The following CHRNA9 variants were observed in gnomAD, a reference collection of about 807,000 sequenced individuals.
The protein encoded by CHRNA9 is cholinergic receptor nicotinic alpha 9 subunit.
In CHRNA9, 24 loss-of-function variants were observed where a neutral mutation model predicts 36.8. The ratio of observed to expected loss-of-function variants is 0.65; its 90% CI spans 0.47 to 0.92. The LOEUF (loss-of-function observed/expected upper bound fraction) is 0.92, where lower values mean the gene tolerates loss of function less well. CHRNA9 is among the 40% of genes least tolerant of loss of function. The pLI, the probability that CHRNA9 is intolerant of heterozygous loss-of-function variation, is 0.00. For synonymous variants in CHRNA9, 231 were observed against 231.8 expected (o/e 1.00, Z 0.03); for missense variants, 610 against 601.2 (o/e 1.01, Z -0.15).
intron 3 of CHRNA9, among the ~76,000 whole-genome samples, chr4:40,347,106 C>A (rs1400355395): frequency 6.6e-6 from 1 of 152,190 alleles, no homozygotes; most frequent in Non-Finnish European, 1.5e-5. Flanking sequence ...AGCCACCACA[C>A]CCAGCCAATA....
intron 3 of CHRNA9, among the ~76,000 whole-genome samples, chr4:40,342,055 G>A (rs1712514411): frequency 6.6e-6 from 1 of 152,176 alleles, no homozygotes. Flanking sequence ...GGCCCCAGTG[G>A]TTGGATTTTA....
At chr4:40,344,977 A>G (rs1026478657) in intron 3 of CHRNA9, among the ~76,000 whole-genome samples, 2 of 152,190 alleles carry the variant, frequency 1.3e-5, no homozygotes, top group African/African-American at 4.8e-5. Context: ...CATGCAGAAA[A>G]GGGGGACTAT....
Position 40,349,123 on chromosome 4 carries a change from T to C in CHRNA9, c.607T>C (p.Trp203Arg), listed in dbSNP as rs1712722148. The change falls in exon 4 of 5, where the codon TGG (tryptophan) becomes CGG (arginine). Residue 203 changes from tryptophan to arginine, a missense_variant. Trp to Arg is a moderately radical substitution (Grantham distance 101). Coordinates refer to ENST00000310169, the MANE Select transcript of CHRNA9 (RefSeq NM_017581.4). The part of the protein sequence containing the change: ...DLSDFIEDVE[W>R]EVHGMPAVKN... ...CTCTGACTTCATTGAAGATGTGGAA[T>C]GGGAGGTCCATGGCATGCCCGCTGT... 1.2e-6 allele frequency: 2 copies of C among 1,614,062 alleles called. No individual in the cohort carries two copies. The highest frequency in any genetic ancestry group is 1.1e-5 in the South Asian group (1 of 91,086).
chr4:40,341,223 A>G (rs1712491277), intron 3 of CHRNA9, among the ~76,000 whole-genome samples: 1 of 151,956 alleles, frequency 6.6e-6, no homozygotes, highest in African/African-American at 2.4e-5. Context: ...TAAAATGCAG[A>G]TTACAGAAAT....
At chr4:40,347,325 G>T (rs6819483) in intron 3 of CHRNA9, among the ~76,000 whole-genome samples, 1 of 152,124 alleles carries the variant, frequency 6.6e-6, no homozygotes, top group South Asian at 2.1e-4. Context: ...CTTAAGGAAA[G>T]GGTCAGTGGA....
At chr4:40,342,703 G>C (rs115831973) in intron 3 of CHRNA9, among the ~76,000 whole-genome samples, 3,322 of 152,198 alleles carry the variant, frequency 0.022, 119 homozygotes, top group African/African-American at 0.076. Flanking sequence ...AAGAGGAAAC[G>C]GGACAATAGC....
intron 3 of CHRNA9, among the ~76,000 whole-genome samples, chr4:40,339,510 G>A (rs576031653): frequency 2.0e-5 from 3 of 151,142 alleles, no homozygotes; most frequent in Non-Finnish European, 1.5e-5. Flanking sequence ...GTGAAACCCC[G>A]TCTCTACTAA....
intron 4 of CHRNA9, chr4:40,349,717 T>C (rs1445052159): frequency 3.4e-6 from 1 of 291,374 alleles, no homozygotes; most frequent in African/African-American, 2.1e-5. Flanking sequence ...CCTGGGAACT[T>C]ATAGAAACAC....
chr4:40,354,030 C>T lies in CHRNA9; in HGVS notation c.950C>T (p.Thr317Ile), dbSNP rs1363960972. 1 of 1,614,132 alleles carries T rather than the reference C, an allele frequency of 6.2e-7. No individual in the cohort carries two copies. The highest frequency in any genetic ancestry group is 1.3e-5 in the African/African-American group (1 of 75,058). ...MALITASTAL[T>I]IMVMNIHFCG... ...CTGATCACAGCCTCCACTGCGTTGA[C>T]CATCATGGTGATGAATATCCACTTC... The change falls in exon 5 of 5, where the codon ACC becomes ATC. Residue 317 changes from threonine to isoleucine, a missense_variant. By Grantham distance (89) the Thr-to-Ile change is moderately conservative. Transcript: ENST00000310169.
rs187171181 is a variant in CHRNA9, at chr4:40,353,700, G to A, written c.899-279G>A. 3.3e-5 allele frequency among the ~76,000 whole-genome samples: 5 copies of A among 150,988 alleles called. No individual in the cohort carries two copies. The East Asian group carries it at 5.9e-4, about 18-fold the overall frequency. ...ATGTTTAGATACACAAATATTGACC[G>A]TTTGATAATCATGTGTACAATTGCC... On this transcript the variant is annotated intron_variant, in intron 4 of 4. Transcript: ENST00000310169.
Position 40,354,642 on chromosome 4 carries a change from T to C in CHRNA9, c.*122T>C. ...GGGGTTATGTTGTCTGTGCTTTTTATTTTTAGCTTCAAATGAATGTCGAAG... is the reference window on the plus strand; with the variant it reads ...GGGGTTATGTTGTCTGTGCTTTTTACTTTTAGCTTCAAATGAATGTCGAAG... On this transcript the variant is annotated 3_prime_UTR_variant, in exon 5 of 5. Transcript: ENST00000310169. The C allele has an allele frequency of 1.2e-6, 1 of 832,678 alleles. No individual in the cohort carries two copies. Among genetic ancestry groups the C allele is most frequent in the Non-Finnish European group, 1.9e-6 (1 of 528,596 alleles). 51.6% of individuals were successfully genotyped at this position (832,678 alleles called of 1,614,324 possible).
At chr4:40,338,738 A>G (rs1307734239) in intron 3 of CHRNA9, among the ~76,000 whole-genome samples, 2 of 152,136 alleles carry the variant, frequency 1.3e-5, no homozygotes, top group Non-Finnish European at 2.9e-5. Flanking sequence ...TGGCCAGAGG[A>G]ATCATCTGTA....
chr4:40,341,614 A>C (rs1170570023), intron 3 of CHRNA9, among the ~76,000 whole-genome samples: 1 of 152,188 alleles, frequency 6.6e-6, no homozygotes, highest in Non-Finnish European at 1.5e-5. Flanking sequence ...AAACGTCTAG[A>C]GGGTACTTAA....
intron 2 of CHRNA9, among the ~76,000 whole-genome samples, chr4:40,336,401 C>T (rs1712320568): frequency 6.6e-6 from 1 of 152,090 alleles, no homozygotes; most frequent in Non-Finnish European, 1.5e-5. Context: ...GATGGTTGCA[C>T]AACGTTGTGA....
At chr4:40,335,759 C>A in intron 1 of CHRNA9, 68 bp from the exon 2 acceptor site, 1 of 1,490,714 alleles carries the variant, frequency 6.7e-7, no homozygotes. Context: ...AGACCTCAGT[C>A]TTGTGTTGTT....
chr4:40,335,766 T>TA, intron 1 of CHRNA9, 61 bp from the exon 2 acceptor site: 1 of 1,532,062 alleles, frequency 6.5e-7, no homozygotes, highest in East Asian at 2.2e-5. Flanking sequence ...AGTCTTGTGT[T>TA]GTTTGTCTTG....
Position 40,354,512 on chromosome 4 carries a change from G to A in CHRNA9, c.1432G>A (p.Ala478Thr). Residue 478 changes from alanine to threonine, a missense_variant, in exon 5 of 5, where the codon GCG (alanine) becomes ACG (threonine). By Grantham distance (58) the Ala-to-Thr change is moderately conservative (BLOSUM62 0). Transcript: ENST00000310169. The part of the protein sequence containing the change: ...FVMTILIIAR[A>T]D ...GATGACTATTTTGATCATAGCAAGA[G>A]CGGATTAGTCACAGATATTGGCTTT... 2 of 1,606,966 alleles carry A rather than the reference G, an allele frequency of 1.2e-6. No individual in the cohort carries two copies. Among genetic ancestry groups the A allele is most frequent in the Non-Finnish European group, 1.7e-6 (2 of 1,174,628 alleles).
rs1447248313 is a variant in CHRNA9, at chr4:40,335,970, A to G, written c.208A>G (p.Met70Val). 3 of 1,611,730 alleles carry G rather than the reference A, an allele frequency of 1.9e-6. No individual in the cohort carries two copies. The highest frequency in any genetic ancestry group is 2.5e-6 in the Non-Finnish European group (3 of 1,178,040). Residue 70 changes from methionine (M) to valine (V), a missense_variant and splice_region_variant, in exon 2 of 5, where the codon ATG becomes GTG. By Grantham distance (21) the Met-to-Val change is conservative. Transcript: ENST00000310169. ...GATTACGCTCTCTCAGATTAAGGAT[A>G]TGGTGAGTAACACATGGTGCTGACT... ...LQITLSQIKD[M>V]DERNQILTAY...
intron 3 of CHRNA9, among the ~76,000 whole-genome samples, chr4:40,343,861 G>GC (rs1390093949): frequency 1.3e-5 from 2 of 152,170 alleles, no homozygotes; most frequent in Non-Finnish European, 2.9e-5. Flanking sequence ...ATAGAATAAT[G>GC]CCCCCCTTAA....
Sources: allele counts gnomAD v4.1 joint callset (sites outside exome capture counted in the v4.1 genomes callset), GRCh38; gene constraint gnomAD v4.1.1; transcripts MANE v1.5; gene names NCBI Gene and HGNC (gene_info 2026-07-23, HGNC 2026-07-21).